Variants in DSCAM observed in about 807,000 individuals in gnomAD.
DSCAM encodes cell adhesion molecule DSCAM.
Under a neutral mutation model 217.7 loss-of-function variants are expected in DSCAM, and 47 were observed. The ratio of observed to expected loss-of-function variants is 0.22; its 90% CI spans 0.17 to 0.28. DSCAM has a LOEUF of 0.28. Among genes scored for constraint, DSCAM ranks in the 10% least tolerant of loss-of-function variants. The pLI, the probability that DSCAM is intolerant of heterozygous loss-of-function variation, is 1.00. For synonymous variants in DSCAM, 1,056 were observed against 1,015.3 expected (o/e 1.04, Z -0.76); for missense variants, 2,080 against 2,618.3 (o/e 0.79, Z 4.49).
intron 3 of DSCAM, among the ~76,000 whole-genome samples, chr21:40,536,607 C>A (rs554436527): frequency 6.6e-6 from 1 of 152,134 alleles, no homozygotes; most frequent in East Asian, 1.9e-4. Flanking sequence ...AGGGTTTCAC[C>A]ATGTTAGCCA....
At chr21:40,441,807 C>T (rs1464156843) in intron 3 of DSCAM, among the ~76,000 whole-genome samples, 2 of 152,140 alleles carry the variant, frequency 1.3e-5, no homozygotes, top group Non-Finnish European at 2.9e-5. Context: ...TGACCAATGC[C>T]CTCTGCTCAG....
chr21:40,846,419 C>T (rs970822532), intron 1 of DSCAM, among the ~76,000 whole-genome samples, 200 bp downstream of exon 1: 4 of 151,810 alleles, frequency 2.6e-5, no homozygotes, highest in Non-Finnish European at 4.4e-5. Flanking sequence ...CAATTTCTCC[C>T]GGGCCTCTCC....
intron 11 of DSCAM, among the ~76,000 whole-genome samples, chr21:40,266,672 A>ATATATATATAC (rs1422997672): frequency 2.2e-5 from 1 of 45,012 alleles, no homozygotes; most frequent in Non-Finnish European, 4.2e-5. Flanking sequence ...TATATATATA[A>ATATATATATAC]TCTTGAAATT....
chr21:40,270,875 G>A (rs114720228), intron 11 of DSCAM, among the ~76,000 whole-genome samples: 1 of 152,220 alleles, frequency 6.6e-6, no homozygotes, highest in African/African-American at 2.4e-5. Flanking sequence ...ATAAAGATTT[G>A]TGGGTACTGG....
chr21:40,777,247 A>G (rs1176124204), intron 1 of DSCAM, among the ~76,000 whole-genome samples: 1 of 152,194 alleles, frequency 6.6e-6, no homozygotes, highest in African/African-American at 2.4e-5. Context: ...CTCCACACTT[A>G]TGACCTAATC....
rs1046047754 is a variant in DSCAM, at chr21:40,051,874, C to T, written c.5185+84G>A. On this transcript the variant is annotated intron_variant, in intron 30 of 32. Coordinates refer to ENST00000400454, the MANE Select transcript of DSCAM (RefSeq NM_001389.5). ...TCAGGCATAGGTATGAAAAGCCACA[C>T]ATTTTCATTTGAGAGAGAAAGAACA... 36 of 1,500,912 alleles carry T rather than the reference C, an allele frequency of 2.4e-5. 1 individual carries two copies. The South Asian group carries it at 4.6e-4, about 19-fold the overall frequency. 93.0% of individuals were successfully genotyped at this position (1,500,912 alleles called of 1,614,324 possible). A position where few individuals can be genotyped will look rare whatever the true frequency, so the allele number is the denominator to read the frequency against.
intron 3 of DSCAM, among the ~76,000 whole-genome samples, chr21:40,482,400 C>T (rs1006377758): frequency 1.1e-4 from 16 of 152,208 alleles, no homozygotes; most frequent in Admixed American, 7.9e-4. Flanking sequence ...TCTTTGTCAT[C>T]TGTAGATATT....
chr21:40,617,882 T>G (rs758876098), intron 3 of DSCAM, among the ~76,000 whole-genome samples: 6 of 152,188 alleles, frequency 3.9e-5, no homozygotes, highest in Non-Finnish European at 5.9e-5. Context: ...AAATTCCTAC[T>G]GCAGAGCAAT....
intron 14 of DSCAM, among the ~76,000 whole-genome samples, chr21:40,181,481 C>T (rs2090800616): frequency 6.6e-6 from 1 of 152,140 alleles, no homozygotes; most frequent in African/African-American, 2.4e-5. Context: ...AATTGTACAA[C>T]ATCCTGTCAA....
Position 40,712,809 on chromosome 21 carries a change from CAGAGAGAGAG to C in DSCAM, c.44-4048_44-4039del, listed in dbSNP as rs142528775. Among the ~76,000 whole-genome samples the C allele has an allele frequency of 5.9e-4, 88 of 149,046 alleles. 1 individual carries two copies. Among genetic ancestry groups the C allele is most frequent in the African/African-American group, 1.9e-3 (77 of 40,342 alleles). ...GGAACTGACTGTATAGAAGTTGAGA[CAGAGAGAGAG>C]AGAGAGAGAGAGAGAAGGTGGGGGG... On this transcript the variant is annotated intron_variant, in intron 1 of 32. Coordinates refer to ENST00000400454, the MANE Select transcript of DSCAM (RefSeq NM_001389.5).
chr21:40,103,430 G>T (rs938604440), intron 20 of DSCAM, among the ~76,000 whole-genome samples: 2 of 152,114 alleles, frequency 1.3e-5, no homozygotes, highest in African/African-American at 2.4e-5. Flanking sequence ...TAGTGGCAAA[G>T]AAATGGCCTG....
rs1333590035 is a variant in DSCAM at position 40,510,304 on chromosome 21, A to G, written c.509-141059T>C. Among the ~76,000 whole-genome samples the G allele has an allele frequency of 2.0e-5, 3 of 152,210 alleles. No homozygotes were observed. The East Asian group carries it at 5.8e-4, about 29-fold the overall frequency. ...GAAAATTTATTAATTCAACAGAGAT[A>G]GCATTTTTATGAGGAATTTTCTAGT... On this transcript the variant is annotated intron_variant, in intron 3 of 32. Transcript: ENST00000400454.
intron 11 of DSCAM, among the ~76,000 whole-genome samples, chr21:40,256,090 T>C (rs764368041): frequency 1.3e-5 from 2 of 152,216 alleles, no homozygotes; most frequent in Admixed American, 1.3e-4. Context: ...AGGTATCCAA[T>C]GTATGTTTTG....
intron 1 of DSCAM, among the ~76,000 whole-genome samples, chr21:40,830,437 C>A (rs925438754): frequency 5.9e-5 from 9 of 152,234 alleles, no homozygotes; most frequent in Non-Finnish European, 1.3e-4. Context: ...GGAATTACAA[C>A]TGGACATGAG....
intron 1 of DSCAM, among the ~76,000 whole-genome samples, chr21:40,780,427 A>G (rs866920118): frequency 3.0e-4 from 36 of 120,432 alleles, no homozygotes; most frequent in African/African-American, 9.0e-4. Flanking sequence ...GTGTGTGTAT[A>G]TATATATATA....
At chr21:40,455,240 C>T (rs2075753762) in intron 3 of DSCAM, among the ~76,000 whole-genome samples, 2 of 151,976 alleles carry the variant, frequency 1.3e-5, no homozygotes, top group South Asian at 2.1e-4. Flanking sequence ...AGTTATTGAG[C>T]CGACGAATCA....
intron 1 of DSCAM, among the ~76,000 whole-genome samples, chr21:40,721,769 C>A (rs946511887): frequency 2.0e-5 from 3 of 151,930 alleles, no homozygotes; most frequent in African/African-American, 7.3e-5. Flanking sequence ...AATTAATATA[C>A]AGAAGTTTCA....
intron 20 of DSCAM, among the ~76,000 whole-genome samples, chr21:40,098,158 T>C (rs1601327754): frequency 6.6e-6 from 1 of 152,128 alleles, no homozygotes; most frequent in East Asian, 1.9e-4. Flanking sequence ...ATATTACCAG[T>C]AATAAAGACA....
chr21:40,084,042 G>GT (rs1213515599), intron 23 of DSCAM, 36 bp from the exon 24 acceptor site: 1 of 1,535,922 alleles, frequency 6.5e-7, no homozygotes, highest in Non-Finnish European at 8.9e-7. Context: ...ACAAGAATTA[G>GT]TTTTTCACAT....
Sources: allele counts gnomAD v4.1 joint callset (sites outside exome capture counted in the v4.1 genomes callset), GRCh38; gene constraint gnomAD v4.1.1; transcripts MANE v1.5; gene names NCBI Gene and HGNC (gene_info 2026-07-23, HGNC 2026-07-21).